The following CYP27A1 variants were observed in gnomAD, a reference collection of about 807,000 sequenced individuals.
The protein encoded by CYP27A1 is sterol 26-hydroxylase, mitochondrial.
A neutral mutation model predicts 58.2 loss-of-function variants in CYP27A1; 46 were observed. The ratio of observed to expected loss-of-function variants is 0.79; its 90% CI spans 0.62 to 1.01. The LOEUF is 1.01. Ranked by LOEUF, CYP27A1 falls within the 50% of genes least tolerant of loss-of-function variation. CYP27A1 has a pLI of 0.00. For missense variants in CYP27A1, 704 were observed against 687.0 expected (o/e 1.02, Z -0.28); for synonymous variants, 274 against 285.1 (o/e 0.96, Z 0.39).
Position 218,812,800 on chromosome 2 carries a change from G to T in CYP27A1, c.844+51G>T, listed in dbSNP as rs766370108. On this transcript the variant is annotated intron_variant, in intron 4 of 8. Coordinates refer to ENST00000258415, the MANE Select transcript of CYP27A1 (RefSeq NM_000784.4). The stretch of plus-strand genomic sequence containing the variant: ...GGAAGAGAGATGGGGGTGACTCCAG[G>T]TCTGTGCATCAGCGGTCTCTCCCAG... 7.5e-6 allele frequency: 12 copies of T among 1,609,118 alleles called. No homozygotes were observed. The Middle Eastern group carries it at 8.3e-4, about 111-fold the overall frequency.
At position 218,809,708 on chromosome 2, in the gene CYP27A1, C is replaced by T. The variant is rs1426398337; in HGVS notation, c.387C>T (p.Asp129=). Reference sequence around the variant, plus strand: ...AGGGCAAGTACCCAGTACGGAACGACATGGAGCTATGGAAGGAGCACCGGG... The same window carrying T: ...AGGGCAAGTACCCAGTACGGAACGATATGGAGCTATGGAAGGAGCACCGGG... ...RQEGKYPVRN[D]MELWKEHRDQ... is the part of the protein sequence containing the mutation. Residue 129 remains aspartate (D), a synonymous_variant, in exon 2 of 9, where the codon GAC becomes GAT. Transcript: ENST00000258415. 27 of 1,614,018 alleles carry T rather than the reference C, an allele frequency of 1.7e-5. No homozygotes were observed. In the Admixed American group the frequency reaches 4.3e-4, roughly 26 times the overall value.
chr2:218,794,080 A>T (rs1943522767), intron 1 of CYP27A1, among the ~76,000 whole-genome samples: 1 of 152,208 alleles, frequency 6.6e-6, no homozygotes, highest in African/African-American at 2.4e-5. Context: ...GGTGCCTGTT[A>T]ACAGGCCCCC....
chr2:218,799,206 C>T (rs1387141946), intron 1 of CYP27A1, among the ~76,000 whole-genome samples: 1 of 152,162 alleles, frequency 6.6e-6, no homozygotes, highest in Non-Finnish European at 1.5e-5. Flanking sequence ...CTTCTCCATG[C>T]TGCCCACCCT....
chr2:218,788,024 G>A (rs542822538), intron 1 of CYP27A1, among the ~76,000 whole-genome samples: 2 of 152,334 alleles, frequency 1.3e-5, no homozygotes, highest in African/African-American at 4.8e-5. Flanking sequence ...TGTGGGCAGG[G>A]CACAGTGTAA....
At chr2:218,788,893 C>T (rs1380327060) in intron 1 of CYP27A1, among the ~76,000 whole-genome samples, 1 of 152,180 alleles carries the variant, frequency 6.6e-6, no homozygotes, top group Non-Finnish European at 1.5e-5. Context: ...TGTCCAGTTA[C>T]CTTGACTGGA....
chr2:218,807,440 T>C (rs925117449), intron 1 of CYP27A1, among the ~76,000 whole-genome samples: 4 of 152,204 alleles, frequency 2.6e-5, no homozygotes, highest in South Asian at 4.1e-4. Context: ...TCTAGAACTA[T>C]CTGGTCAATG....
chr2:218,804,674 A>G (rs989796972), intron 1 of CYP27A1, among the ~76,000 whole-genome samples: 6 of 152,204 alleles, frequency 3.9e-5, no homozygotes, highest in Admixed American at 2.0e-4. Flanking sequence ...ATCCATGAAC[A>G]TGGATGACTT....
chr2:218,783,165 GAGA>G (rs1943410708), intron 1 of CYP27A1, among the ~76,000 whole-genome samples: 1 of 148,898 alleles, frequency 6.7e-6, no homozygotes, highest in African/African-American at 2.5e-5. Flanking sequence ...GCTGAGGTAG[GAGA>G]ATCGCTTGAA....
At chr2:218,802,761 A>T (rs534805100) in intron 1 of CYP27A1, among the ~76,000 whole-genome samples, 18 of 152,136 alleles carry the variant, frequency 1.2e-4, no homozygotes, top group Non-Finnish European at 2.6e-4. Context: ...AGTGGTTAAC[A>T]GTGGCTTTGG....
chr2:218,811,595 C>T (rs1435533243), intron 2 of CYP27A1, among the ~76,000 whole-genome samples: 1 of 152,136 alleles, frequency 6.6e-6, no homozygotes, highest in African/African-American at 2.4e-5. Flanking sequence ...CCATCTACCG[C>T]ATGACTGAGG....
At chr2:218,813,836 G>A (rs1025273371) in intron 5 of CYP27A1, among the ~76,000 whole-genome samples, 185 bp from the exon 6 acceptor site, 21 of 151,912 alleles carry the variant, frequency 1.4e-4, no homozygotes, top group Non-Finnish European at 2.2e-4. Context: ...TCATCATATC[G>A]GCCCTCATCC....
At chr2:218,791,837 G>A (rs996112318) in intron 1 of CYP27A1, among the ~76,000 whole-genome samples, 2 of 152,206 alleles carry the variant, frequency 1.3e-5, no homozygotes, top group Admixed American at 6.5e-5. Context: ...AAAATACACG[G>A]TGGCATGATG....
chr2:218,814,246 G>A (rs1305517553), intron 6 of CYP27A1, 59 bp downstream of exon 6: 1 of 1,611,226 alleles, frequency 6.2e-7, no homozygotes, highest in Non-Finnish European at 8.5e-7. Flanking sequence ...GGAATCAGAG[G>A]AGGAAATCTG....
intron 1 of CYP27A1, among the ~76,000 whole-genome samples, chr2:218,798,815 G>A (rs1428940710): frequency 2.6e-5 from 4 of 152,112 alleles, no homozygotes; most frequent in South Asian, 2.1e-4. Flanking sequence ...CCCGGGAGGC[G>A]GAAATTGTAG....
At chr2:218,799,259 C>T (rs774846631) in intron 1 of CYP27A1, among the ~76,000 whole-genome samples, 1 of 152,218 alleles carries the variant, frequency 6.6e-6, no homozygotes, top group African/African-American at 2.4e-5. Context: ...ATCTAGACGC[C>T]GCGGTGAAGC....
rs1178180058 is a variant in CYP27A1 at position 218,814,974 on chromosome 2, A to G, written c.1540A>G (p.Ile514Val). ...ETGELKSVAR[I>V]VLVPNKKVGL... is the part of the protein sequence containing the mutation. ...GGGGGAGTTGAAGAGTGTGGCCCGC[A>G]TTGTCCTGGTTCCCAATAAGAAAGT... The change falls in exon 9 of 9, where the codon ATT (isoleucine) becomes GTT (valine). Residue 514 changes from isoleucine (I) to valine (V), a missense_variant. Physicochemically the swap from Ile to Val is conservative, Grantham distance 29 (BLOSUM62 3). Coordinates refer to ENST00000258415, the MANE Select transcript of CYP27A1 (RefSeq NM_000784.4). The G allele has an allele frequency of 1.9e-6, 3 of 1,614,198 alleles. No homozygotes were observed. Among genetic ancestry groups the G allele is most frequent in the Admixed American group, 1.7e-5 (1 of 60,022 alleles).
intron 1 of CYP27A1, among the ~76,000 whole-genome samples, chr2:218,783,424 G>A (rs1039524904): frequency 2.0e-5 from 3 of 152,200 alleles, no homozygotes; most frequent in East Asian, 3.9e-4. Context: ...GACAGAGACC[G>A]GAAAACCCAA....
At chr2:218,785,819 C>A (rs1156492189) in intron 1 of CYP27A1, among the ~76,000 whole-genome samples, 2 of 152,106 alleles carry the variant, frequency 1.3e-5, no homozygotes, top group African/African-American at 4.8e-5. Context: ...AGTTAATAAC[C>A]TTTTAAAATT....
intron 1 of CYP27A1, among the ~76,000 whole-genome samples, chr2:218,809,135 T>C (rs531315852): frequency 1.3e-5 from 2 of 152,234 alleles, no homozygotes; most frequent in South Asian, 4.1e-4. Flanking sequence ...CATAAGGCAT[T>C]CATCATTTCA....
Sources: allele counts gnomAD v4.1 joint callset (sites outside exome capture counted in the v4.1 genomes callset), GRCh38; gene constraint gnomAD v4.1.1; transcripts MANE v1.5; gene names NCBI Gene and HGNC (gene_info 2026-07-23, HGNC 2026-07-21).